Variants in HIRA observed in about 807,000 individuals in gnomAD.
HIRA encodes the protein protein HIRA.
In HIRA, 13 loss-of-function variants were observed where a neutral mutation model predicts 126.6. The ratio of observed to expected loss-of-function variants is 0.10; its 90% CI spans 0.07 to 0.16. The LOEUF (loss-of-function observed/expected upper bound fraction) is 0.16. Ranked by LOEUF, HIRA falls within the 10% of genes least tolerant of loss-of-function variation. The pLI, the probability that HIRA is intolerant of heterozygous loss-of-function variation, is 1.00. For missense variants in HIRA, 834 were observed against 1,314.4 expected (o/e 0.63, Z 5.65); for synonymous variants, 511 against 520.0 (o/e 0.98, Z 0.24).
At chr22:19,397,634 C>T (rs930235395) in intron 6 of HIRA, among the ~76,000 whole-genome samples, 1 of 152,070 alleles carries the variant, frequency 6.6e-6, no homozygotes, top group East Asian at 1.9e-4. Flanking sequence ...TGTGTTAGCC[C>T]GTATCTGCTC....
chr22:19,428,035 T>C (rs2089501879), intron 1 of HIRA, among the ~76,000 whole-genome samples: 1 of 152,220 alleles, frequency 6.6e-6, no homozygotes, highest in African/African-American at 2.4e-5. Flanking sequence ...GCTATTATAT[T>C]TCAATTTAAC....
chr22:19,361,478 T>G, intron 16 of HIRA, 137 bp from the exon 17 acceptor site: 1 of 791,396 alleles, frequency 1.3e-6, no homozygotes, highest in Non-Finnish European at 2.1e-6. Flanking sequence ...CAGAGGGGAA[T>G]GCTACAAGGA....
At chr22:19,372,045 G>A (rs1474412677) in intron 15 of HIRA, among the ~76,000 whole-genome samples, 1 of 152,206 alleles carries the variant, frequency 6.6e-6, no homozygotes, top group East Asian at 1.9e-4. Flanking sequence ...CTTCCAGACT[G>A]TTTTCCAAAG....
At chr22:19,361,091 G>A (rs941375955) in intron 17 of HIRA, 146 bp downstream of exon 17, 13 of 659,818 alleles carry the variant, frequency 2.0e-5, no homozygotes, top group African/African-American at 1.6e-4. Flanking sequence ...TGGGTACCCC[G>A]ATCTGCTATG....
Position 19,353,979 on chromosome 22 carries a change from G to C in HIRA, c.2684+17C>G, listed in dbSNP as rs782767441. Reference sequence around the variant, plus strand: ...GGCAGGACTAAGGACAGTGGCCATGGCATTCAGGTCACGTACTTGGAGGTG... The same window carrying C: ...GGCAGGACTAAGGACAGTGGCCATGCCATTCAGGTCACGTACTTGGAGGTG... On this transcript the variant is annotated intron_variant, in intron 22 of 24. Transcript: ENST00000263208. 2 of 1,611,814 alleles carry C rather than the reference G, an allele frequency of 1.2e-6. No homozygotes were observed. Among genetic ancestry groups the C allele is most frequent in the Middle Eastern group, 1.7e-4 (1 of 6,012 alleles).
At chr22:19,388,321 C>A (rs1394103472) in intron 10 of HIRA, among the ~76,000 whole-genome samples, 163 bp downstream of exon 10, 1 of 152,192 alleles carries the variant, frequency 6.6e-6, no homozygotes, top group African/African-American at 2.4e-5. Flanking sequence ...TACACCGCTG[C>A]CAGTTCCCAA....
intron 11 of HIRA, 39 bp downstream of exon 11, chr22:19,387,672 G>T: frequency 6.6e-7 from 1 of 1,516,922 alleles, no homozygotes; most frequent in Non-Finnish European, 9.1e-7. Flanking sequence ...TGTGGCAATG[G>T]CCACAGAGCA....
At chr22:19,370,099 C>T (rs888779938) in intron 15 of HIRA, among the ~76,000 whole-genome samples, 13 of 152,064 alleles carry the variant, frequency 8.5e-5, no homozygotes, top group Non-Finnish European at 1.8e-4. Flanking sequence ...CTCAGCCTCT[C>T]GCCACTACAC....
intron 1 of HIRA, 29 bp downstream of exon 1, chr22:19,431,411 G>A (rs202027571): frequency 1.8e-5 from 29 of 1,606,378 alleles, no homozygotes; most frequent in Non-Finnish European, 2.4e-5. Context: ...CTCCGGGCTC[G>A]GCCTCCCGCG....
At chr22:19,406,704 A>C (rs1490948449) in intron 4 of HIRA, among the ~76,000 whole-genome samples, 3 of 152,182 alleles carry the variant, frequency 2.0e-5, no homozygotes, top group Non-Finnish European at 4.4e-5. Context: ...TGGCCCAGAG[A>C]CCTGGGAGCA....
At position 19,361,759 on chromosome 22, in the gene HIRA, A is replaced by G; in HGVS notation, c.1948T>C (p.Ser650Pro). Residue 650 changes from serine (S) to proline (P), a missense_variant, in exon 16 of 25, where the codon TCT becomes CCT. By Grantham distance (74) the Ser-to-Pro change is moderately conservative. Coordinates refer to ENST00000263208, the MANE Select transcript of HIRA (RefSeq NM_003325.4). ...KKKKGRPRKD[S>P]RLMPVSLSVQ... ...GACAGAGACACAGGCATGAGACGAG[A>G]GTCCTTCCGAGGCCGCCCTTTCTTC... is the stretch of plus-strand genomic sequence containing the variant. The G allele has an allele frequency of 1.2e-6, 2 of 1,612,866 alleles. No homozygotes were observed. The highest frequency in any genetic ancestry group is 1.7e-6 in the Non-Finnish European group (2 of 1,180,044).
chr22:19,426,291 C>T (rs1263649694), intron 1 of HIRA, among the ~76,000 whole-genome samples: 1 of 152,196 alleles, frequency 6.6e-6, no homozygotes, highest in Non-Finnish European at 1.5e-5. Context: ...CTCCCCTAAC[C>T]CCAAGAAGGA....
chr22:19,392,578 G>C (rs9606004), intron 8 of HIRA, among the ~76,000 whole-genome samples: 1 of 152,232 alleles, frequency 6.6e-6, no homozygotes, highest in Non-Finnish European at 1.5e-5. Flanking sequence ...CTGCAGAAAA[G>C]CTGAGCCTGC....
At chr22:19,403,343 C>T (rs1157891634) in intron 5 of HIRA, among the ~76,000 whole-genome samples, 2 of 152,168 alleles carry the variant, frequency 1.3e-5, no homozygotes, top group Non-Finnish European at 2.9e-5. Flanking sequence ...GTCATGGTGA[C>T]TCATGCCTGT....
At chr22:19,410,318 C>G (rs1018456574) in intron 2 of HIRA, among the ~76,000 whole-genome samples, 1 of 152,186 alleles carries the variant, frequency 6.6e-6, no homozygotes, top group African/African-American at 2.4e-5. Flanking sequence ...AATAACTACA[C>G]GATTGCTTTA....
At chr22:19,423,524 CATAT>C (rs1183230393) in intron 1 of HIRA, among the ~76,000 whole-genome samples, 4 of 65,046 alleles carry the variant, frequency 6.1e-5, no homozygotes, top group Admixed American at 5.0e-4. Flanking sequence ...CACACACACA[CATAT>C]TTTCAGCTCT....
chr22:19,361,781 C>A lies in HIRA; in HGVS notation c.1926G>T (p.Lys642Asn). 6.2e-7 allele frequency: 1 copy of A among 1,613,692 alleles called. No homozygotes were observed. The change falls in exon 16 of 25, where the codon AAG becomes AAT. Residue 642 changes from lysine to asparagine, a missense_variant. Lys to Asn is a moderately conservative substitution (Grantham distance 94, BLOSUM62 0). Transcript: ENST00000263208. ...GAGAGTCCTTCCGAGGCCGCCCTTT[C>A]TTCTTCTTCTCTACTGTCTCTACCT... ...ELEVETVEKK[K>N]KGRPRKDSRL...
At chr22:19,402,592 C>G (rs1252112641) in intron 5 of HIRA, among the ~76,000 whole-genome samples, 1 of 152,160 alleles carries the variant, frequency 6.6e-6, no homozygotes, top group Non-Finnish European at 1.5e-5. Context: ...AGAGCTTTAT[C>G]CCCCTATGGT....
chr22:19,409,660 G>A (rs1269163637), intron 2 of HIRA, among the ~76,000 whole-genome samples: 1 of 152,128 alleles, frequency 6.6e-6, no homozygotes, highest in Non-Finnish European at 1.5e-5. Flanking sequence ...TATTATAATA[G>A]GGCCAAATCC....
Sources: allele counts gnomAD v4.1 joint callset (sites outside exome capture counted in the v4.1 genomes callset), GRCh38; gene constraint gnomAD v4.1.1; transcripts MANE v1.5; gene names NCBI Gene and HGNC (gene_info 2026-07-23, HGNC 2026-07-21).